The following PGR variants were observed in gnomAD, a reference collection of about 807,000 sequenced individuals.
The protein encoded by PGR is progesterone receptor, also known as nuclear receptor subfamily 3 group C member 3.
Under a neutral mutation model 76.1 loss-of-function variants are expected in PGR, and 25 were observed. That is an observed-to-expected ratio of 0.33 (90% confidence interval 0.24 to 0.46). The LOEUF (loss-of-function observed/expected upper bound fraction) is 0.46, where lower values mean the gene tolerates loss of function less well. Among genes scored for constraint, PGR ranks in the 20% least tolerant of loss-of-function variants. The pLI is 1.00. For missense variants in PGR, 1,172 were observed against 1,225.3 expected (o/e 0.96, Z 0.65); for synonymous variants, 579 against 535.0 (o/e 1.08, Z -1.14).
chr11:101,095,991 T>G (rs1397329437), intron 2 of PGR, among the ~76,000 whole-genome samples: 1 of 152,080 alleles, frequency 6.6e-6, no homozygotes, highest in Non-Finnish European at 1.5e-5. Flanking sequence ...TAGCAGACAA[T>G]GTATGAGGTA....
chr11:101,032,612 C>T lies in PGR; in HGVS notation c.*6504G>A. 4.4e-6 allele frequency: 1 copy of T among 227,806 alleles called. No homozygotes were observed. Among genetic ancestry groups the T allele is most frequent in the Admixed American group, 5.7e-5 (1 of 17,606 alleles). 14.1% of individuals were successfully genotyped at this position (227,806 alleles called of 1,614,324 possible). A position where few individuals can be genotyped will look rare whatever the true frequency, so the allele number is the denominator to read the frequency against. ...CTTCTTGCCTTTGGCATCTCCTCAC[C>T]ACGCACGTTCTGCTAATTCCTAAAC... On this transcript the variant is annotated 3_prime_UTR_variant, in exon 8 of 8. Coordinates refer to ENST00000325455, the MANE Select transcript of PGR (RefSeq NM_000926.4).
intron 2 of PGR, among the ~76,000 whole-genome samples, chr11:101,095,482 C>G (rs1861806476): frequency 6.6e-6 from 1 of 152,176 alleles, no homozygotes; most frequent in African/African-American, 2.4e-5. Context: ...ATTTCATCAT[C>G]AAAGCAACCT....
At position 101,126,033 on chromosome 11, in the gene PGR, T is replaced by C; in HGVS notation, c.1763A>G (p.Lys588Arg). ...TTCCATTGCCCTCTTAAAGAAGACC[T>C]TACAGCTCCCACAGGTAAGGACACC... ...HYGVLTCGSC[K>R]VFFKRAMEGQ... The change falls in exon 2 of 8, where the codon AAG becomes AGG. Residue 588 changes from lysine to arginine, a missense_variant. Around this residue, in one of 4 missense-constraint regions of PGR, gnomAD observed 40 missense variants for 82.7 expected, o/e 0.48. Coordinates refer to ENST00000325455, the MANE Select transcript of PGR (RefSeq NM_000926.4). 1 of 1,614,070 alleles carries C rather than the reference T, an allele frequency of 6.2e-7. No individual in the cohort carries two copies. Among genetic ancestry groups the C allele is most frequent in the Non-Finnish European group, 8.5e-7 (1 of 1,179,952 alleles).
intron 2 of PGR, among the ~76,000 whole-genome samples, chr11:101,092,179 G>A (rs556176115): frequency 6.6e-6 from 1 of 152,284 alleles, no homozygotes; most frequent in African/African-American, 2.4e-5. Context: ...GCCTTTAGAT[G>A]TCATTTCAAG....
chr11:101,045,256 C>T (rs1025166236), intron 6 of PGR, among the ~76,000 whole-genome samples: 1 of 152,030 alleles, frequency 6.6e-6, no homozygotes, highest in African/African-American at 2.4e-5. Flanking sequence ...AAATTTTTGT[C>T]AATTGAAAAC....
intron 2 of PGR, among the ~76,000 whole-genome samples, chr11:101,110,739 T>C (rs1191343986): frequency 6.6e-6 from 1 of 152,178 alleles, no homozygotes; most frequent in African/African-American, 2.4e-5. Flanking sequence ...AAACACAGCA[T>C]TGCATACTAC....
At chr11:101,065,025 C>A (rs946318070) in intron 3 of PGR, among the ~76,000 whole-genome samples, 1 of 152,170 alleles carries the variant, frequency 6.6e-6, no homozygotes, top group Non-Finnish European at 1.5e-5. Context: ...TCTAAGTCTG[C>A]GTAAATGCAT....
Position 101,033,593 on chromosome 11 carries a change from A to G in PGR, c.*5523T>C, listed in dbSNP as rs1253623484. 6.1e-5 allele frequency: 12 copies of G among 196,774 alleles called. No homozygotes were observed. Among genetic ancestry groups the G allele is most frequent in the Non-Finnish European group, 1.3e-4 (12 of 94,860 alleles). 12.2% of individuals were successfully genotyped at this position (196,774 alleles called of 1,614,324 possible). A position where few individuals can be genotyped will look rare whatever the true frequency, so the allele number is the denominator to read the frequency against. ...TCATGCTGCTCAGCAGCTTTCATTG[A>G]TATGTCTTTGAATAACAAAACATTA... On this transcript the variant is annotated 3_prime_UTR_variant, in exon 8 of 8. Coordinates refer to ENST00000325455, the MANE Select transcript of PGR (RefSeq NM_000926.4).
rs1862538611 is a variant in PGR, at chr11:101,117,216, T to C, written c.1789+8791A>G. On this transcript the variant is annotated intron_variant, in intron 2 of 7. Coordinates refer to ENST00000325455, the MANE Select transcript of PGR (RefSeq NM_000926.4). ...TATTTGTTATTCATTATTATTCCAG[T>C]ACTCAAATTGCTGAAATTCCCATTA... 3.3e-5 allele frequency among the ~76,000 whole-genome samples: 5 copies of C among 152,200 alleles called. No homozygotes were observed. In the South Asian group the frequency reaches 1.0e-3, roughly 31 times the overall value.
chr11:101,032,091 T>C lies in PGR; in HGVS notation c.*7025A>G, dbSNP rs993541495. The C allele has an allele frequency of 3.9e-5, 9 of 232,746 alleles. No homozygotes were observed. The highest frequency in any genetic ancestry group is 2.0e-4 in the African/African-American group (9 of 45,310). The allele number at this position is 232,746 out of a possible 1,614,324, so 14.4% of individuals were successfully genotyped here. ...TGGTTTCCTGATGAAAAATTTGTAA[T>C]TTCAACACATAAGCAAAATAATTAG... is the stretch of plus-strand genomic sequence containing the variant. On this transcript the variant is annotated 3_prime_UTR_variant, in exon 8 of 8. Coordinates refer to ENST00000325455, the MANE Select transcript of PGR (RefSeq NM_000926.4).
At position 101,036,742 on chromosome 11, in the gene PGR, A is replaced by G; in HGVS notation, c.*2374T>C. ...ATCGAAGATATCAAACATTTTAACAAAAGCCAAACCTGTGGCCACCACATT... is the reference window on the plus strand; with the variant it reads ...ATCGAAGATATCAAACATTTTAACAGAAGCCAAACCTGTGGCCACCACATT... On this transcript the variant is annotated 3_prime_UTR_variant, in exon 8 of 8. Coordinates refer to ENST00000325455, the MANE Select transcript of PGR (RefSeq NM_000926.4). 5.0e-6 allele frequency: 1 copy of G among 201,026 alleles called. No individual in the cohort carries two copies. Among genetic ancestry groups the G allele is most frequent in the Non-Finnish European group, 1.0e-5 (1 of 97,456 alleles). The allele number at this position is 201,026 out of a possible 1,614,324, so 12.5% of individuals were successfully genotyped here. A position where few individuals can be genotyped will look rare whatever the true frequency, so the allele number is the denominator to read the frequency against.
At chr11:101,122,178 T>C (rs1229931906) in intron 2 of PGR, among the ~76,000 whole-genome samples, 1 of 2,356 alleles carries the variant, frequency 4.2e-4, no homozygotes, top group Non-Finnish European at 8.7e-4. Flanking sequence ...AAAGTGAGCA[T>C]AATATGCAAT....
chr11:101,040,144 G>A (rs1359177008), intron 7 of PGR, among the ~76,000 whole-genome samples: 1 of 151,862 alleles, frequency 6.6e-6, no homozygotes, highest in Non-Finnish European at 1.5e-5. Context: ...GAATCACCTC[G>A]TGTTCTTGTT....
At chr11:101,107,865 T>TAAAAAAGAAAAA (rs1862215441) in intron 2 of PGR, among the ~76,000 whole-genome samples, 1 of 119,290 alleles carries the variant, frequency 8.4e-6, no homozygotes, top group Non-Finnish European at 1.7e-5. Flanking sequence ...ACTGGCTTTG[T>TAAAAAAGAAAAA]AAAAAAAAAA....
At chr11:101,054,723 A>G (rs1232066189) in intron 4 of PGR, among the ~76,000 whole-genome samples, 1 of 152,198 alleles carries the variant, frequency 6.6e-6, no homozygotes, top group African/African-American at 2.4e-5. Flanking sequence ...TTATCATTGA[A>G]TCTAAATTTC....
At chr11:101,058,337 C>CT (rs1376823238) in intron 4 of PGR, among the ~76,000 whole-genome samples, 1 of 152,136 alleles carries the variant, frequency 6.6e-6, no homozygotes, top group Non-Finnish European at 1.5e-5. Flanking sequence ...ACTCTCATTT[C>CT]TCTCTCATCA....
At chr11:101,093,101 A>G (rs781093909) in intron 2 of PGR, among the ~76,000 whole-genome samples, 11 of 152,190 alleles carry the variant, frequency 7.2e-5, no homozygotes, top group Non-Finnish European at 1.3e-4. Flanking sequence ...GAAAAGCACA[A>G]ATATTTTCTT....
At chr11:101,053,043 T>A (rs991054839) in intron 4 of PGR, among the ~76,000 whole-genome samples, 1 of 152,176 alleles carries the variant, frequency 6.6e-6, no homozygotes, top group Non-Finnish European at 1.5e-5. Context: ...GTTATTTGTA[T>A]CTGAGTATAA....
chr11:101,045,972 C>T (rs1859861679), intron 6 of PGR, among the ~76,000 whole-genome samples: 1 of 152,002 alleles, frequency 6.6e-6, no homozygotes, highest in Non-Finnish European at 1.5e-5. Flanking sequence ...AAATAGCAGT[C>T]ATTTCAAACT....
Sources: allele counts gnomAD v4.1 joint callset (sites outside exome capture counted in the v4.1 genomes callset), GRCh38; gene constraint gnomAD v4.1.1; regional missense constraint gnomAD v4.1.1; transcripts MANE v1.5; gene names NCBI Gene and HGNC (gene_info 2026-07-23, HGNC 2026-07-21).